Variants in ADAMTSL1 observed in about 807,000 individuals in gnomAD.
ADAMTSL1 encodes ADAMTS-like protein 1.
A neutral mutation model predicts 201.8 loss-of-function variants in ADAMTSL1; 126 were observed. The ratio of observed to expected loss-of-function variants is 0.62; its 90% CI spans 0.54 to 0.72. ADAMTSL1 has a LOEUF of 0.72. Ranked by LOEUF, ADAMTSL1 falls within the 30% of genes least tolerant of loss-of-function variation. ADAMTSL1 has a pLI of 0.00. For synonymous variants in ADAMTSL1, 1,121 were observed against 903.4 expected (o/e 1.24, Z -4.32); for missense variants, 2,679 against 2,277.8 (o/e 1.18, Z -3.59).
intron 1 of ADAMTSL1, among the ~76,000 whole-genome samples, chr9:18,070,315 G>A (rs950493640): frequency 2.0e-5 from 3 of 152,188 alleles, no homozygotes; most frequent in Non-Finnish European, 2.9e-5. Context: ...TGACTTGGTC[G>A]ACATAGCTAA....
intron 1 of ADAMTSL1, among the ~76,000 whole-genome samples, chr9:18,079,642 A>G (rs1285423975): frequency 6.6e-6 from 1 of 151,772 alleles, no homozygotes; most frequent in African/African-American, 2.4e-5. Flanking sequence ...AGATCGCACC[A>G]CTGCACTCCA....
At chr9:18,071,268 A>C (rs7859083) in intron 1 of ADAMTSL1, among the ~76,000 whole-genome samples, 15,013 of 152,210 alleles carry the variant, frequency 0.099, 1,217 homozygotes, top group African/African-American at 0.22. Flanking sequence ...TGGTTCAAAA[A>C]AATTAAAGGT....
At chr9:18,427,416 G>C (rs1475888833) in intron 2 of ADAMTSL1, among the ~76,000 whole-genome samples, 1 of 152,220 alleles carries the variant, frequency 6.6e-6, no homozygotes, top group Non-Finnish European at 1.5e-5. Flanking sequence ...TGTCATAGAA[G>C]TGTGTTACTA....
At chr9:18,523,881 C>G (rs994796160) in intron 2 of ADAMTSL1, among the ~76,000 whole-genome samples, 19 of 136,406 alleles carry the variant, frequency 1.4e-4, no homozygotes, top group African/African-American at 4.7e-4. Flanking sequence ...AGCGTGATGC[C>G]TCCAGCTTTG....
chr9:18,211,094 C>A (rs1002861679), intron 2 of ADAMTSL1, among the ~76,000 whole-genome samples: 3 of 152,158 alleles, frequency 2.0e-5, no homozygotes, highest in African/African-American at 7.2e-5. Context: ...CTCTCTAACC[C>A]TGGAGCACTA....
intron 1 of ADAMTSL1, among the ~76,000 whole-genome samples, chr9:17,918,796 G>C (rs565015724): frequency 6.6e-6 from 1 of 151,890 alleles, no homozygotes; most frequent in Non-Finnish European, 1.5e-5. Flanking sequence ...TATTACCACT[G>C]TAGACTTGTC....
chr9:18,075,894 A>T (rs2131750059), intron 1 of ADAMTSL1, among the ~76,000 whole-genome samples: 1 of 152,342 alleles, frequency 6.6e-6, no homozygotes, highest in East Asian at 1.9e-4. Flanking sequence ...TGTTAATTAA[A>T]TACCAAGTCC....
intron 2 of ADAMTSL1, among the ~76,000 whole-genome samples, chr9:18,300,516 T>A (rs929481122): frequency 1.3e-5 from 2 of 152,134 alleles, no homozygotes; most frequent in Non-Finnish European, 2.9e-5. Flanking sequence ...ATGTAAATGA[T>A]GAGTTGATGG....
chr9:18,281,026 C>T (rs1832766941), intron 2 of ADAMTSL1, among the ~76,000 whole-genome samples: 1 of 152,018 alleles, frequency 6.6e-6, no homozygotes, highest in African/African-American at 2.4e-5. Context: ...CAGGTGTGCA[C>T]TTCTACGCCT....
chr9:17,926,632 C>A (rs1563899684), intron 1 of ADAMTSL1, among the ~76,000 whole-genome samples: 1 of 152,196 alleles, frequency 6.6e-6, no homozygotes, highest in Non-Finnish European at 1.5e-5. Flanking sequence ...ATGGTTAAAA[C>A]AAGAGGTGCT....
intron 2 of ADAMTSL1, among the ~76,000 whole-genome samples, chr9:18,397,545 T>C (rs1475783561): frequency 6.6e-6 from 1 of 152,060 alleles, no homozygotes; most frequent in Non-Finnish European, 1.5e-5. Flanking sequence ...AGCAAGAAAA[T>C]GTATTTCTCA....
intron 23 of ADAMTSL1, among the ~76,000 whole-genome samples, chr9:18,880,778 T>G (rs1236791234): frequency 6.6e-6 from 1 of 152,202 alleles, no homozygotes; most frequent in Non-Finnish European, 1.5e-5. Flanking sequence ...CTTTGAAGCT[T>G]TGAAGCCAGG....
At chr9:18,532,044 C>T (rs1386159577) in intron 2 of ADAMTSL1, among the ~76,000 whole-genome samples, 1 of 152,046 alleles carries the variant, frequency 6.6e-6, no homozygotes, top group East Asian at 1.9e-4. Flanking sequence ...TATAAATGTA[C>T]CTGGAATTCT....
chr9:18,688,118 G>GTATGTA (rs1554730214), intron 13 of ADAMTSL1, among the ~76,000 whole-genome samples: 1 of 142,700 alleles, frequency 7.0e-6, no homozygotes, highest in African/African-American at 2.6e-5. Flanking sequence ...ATGTATGTAT[G>GTATGTA]TATATATATA....
chr9:18,498,984 A>G (rs1822689098), intron 1 of ADAMTSL1, among the ~76,000 whole-genome samples: 1 of 152,270 alleles, frequency 6.6e-6, no homozygotes, highest in Non-Finnish European at 1.5e-5. Context: ...GCAAAAGCGC[A>G]CTGGAATGTG....
At chr9:18,050,221 A>G (rs1821871780) in intron 1 of ADAMTSL1, among the ~76,000 whole-genome samples, 1 of 152,200 alleles carries the variant, frequency 6.6e-6, no homozygotes. Flanking sequence ...AAAATTTGGT[A>G]TCTTAAGAAT....
chr9:18,104,617 T>C (rs1445173484), intron 1 of ADAMTSL1, among the ~76,000 whole-genome samples: 1 of 152,080 alleles, frequency 6.6e-6, no homozygotes, highest in Non-Finnish European at 1.5e-5. Context: ...TAGGGAGGGA[T>C]GAACAATTAC....
At chr9:18,498,611 G>T (rs996817738) in intron 1 of ADAMTSL1, among the ~76,000 whole-genome samples, 1 of 152,024 alleles carries the variant, frequency 6.6e-6, no homozygotes, top group Non-Finnish European at 1.5e-5. Context: ...GTGCTGGCAT[G>T]AGCCACCGCG....
Position 18,853,889 on chromosome 9 carries a change from C to CTCTG in ADAMTSL1, c.4249+23913_4249+23914insCTGT, listed in dbSNP as rs1314550014. On this transcript the variant is annotated intron_variant, in intron 23 of 28. Transcript: ENST00000380548. ...TGTGGAGTCTACTTGTATTCACTCT[C>CTCTG]TGTGTGTGTGTGTGTGTGTGTGTGT... Among the ~76,000 whole-genome samples the CTCTG allele has an allele frequency of 2.1e-3, 247 of 120,366 alleles. 2 individuals are homozygous for CTCTG. In the East Asian group the frequency reaches 0.038, roughly 19 times the overall value. 79.0% of individuals were successfully genotyped at this position (120,366 alleles called of 152,430 possible).
Sources: allele counts gnomAD v4.1 joint callset (sites outside exome capture counted in the v4.1 genomes callset), GRCh38; gene constraint gnomAD v4.1.1; transcripts MANE v1.5; gene names NCBI Gene and HGNC (gene_info 2026-07-23, HGNC 2026-07-21).